IGF2BP3: variants seen among roughly 807,000 people sequenced by gnomAD.
IGF2BP3 encodes the protein insulin like growth factor 2 mRNA binding protein 3, also known as insulin-like growth factor 2 mRNA-binding protein 3.
A neutral mutation model predicts 73.8 loss-of-function variants in IGF2BP3; 9 were observed. The observed-to-expected ratio is 0.12, with a 90% CI of 0.07 to 0.21. IGF2BP3 has a LOEUF of 0.21. IGF2BP3 is among the 10% of genes least tolerant of loss of function. The pLI is 1.00. For synonymous variants in IGF2BP3, 258 were observed against 256.7 expected (o/e 1.01, Z -0.05); for missense variants, 542 against 714.0 (o/e 0.76, Z 2.75).
intron 2 of IGF2BP3, among the ~76,000 whole-genome samples, chr7:23,462,614 G>C (rs185477828): frequency 6.6e-6 from 1 of 152,030 alleles, no homozygotes; most frequent in African/African-American, 2.4e-5. Flanking sequence ...CACCCACCTC[G>C]GCCTCCCAAA....
intron 5 of IGF2BP3, among the ~76,000 whole-genome samples, chr7:23,352,278 ATTTTTTTTTTTTTT>A (rs70966011): frequency 0.089 from 6,653 of 74,382 alleles, 326 homozygotes; most frequent in South Asian, 0.21. Flanking sequence ...TCTCTTTTTC[ATTTTTTTTTTTTTT>A]TTTTTTTTTT....
At chr7:23,465,200 C>T (rs555995694) in intron 2 of IGF2BP3, among the ~76,000 whole-genome samples, 28 of 152,288 alleles carry the variant, frequency 1.8e-4, no homozygotes, top group Non-Finnish European at 3.5e-4. Flanking sequence ...TTTCCAAGTA[C>T]CAACTATTTT....
intron 2 of IGF2BP3, among the ~76,000 whole-genome samples, chr7:23,435,966 A>T (rs1787800381): frequency 6.6e-6 from 1 of 151,942 alleles, no homozygotes; most frequent in South Asian, 2.1e-4. Context: ...CATGTTGGCC[A>T]GGCTGGTCTG....
chr7:23,315,411 A>G (rs1783958071), intron 12 of IGF2BP3, among the ~76,000 whole-genome samples: 1 of 152,100 alleles, frequency 6.6e-6, no homozygotes, highest in African/African-American at 2.4e-5. Context: ...CCTGGCCAAG[A>G]CACTTCTGAT....
rs1264910158 is a variant in IGF2BP3 at position 23,325,142 on chromosome 7, G to A, written c.1204-5888C>T. The stretch of plus-strand genomic sequence containing the variant: ...AGAGGAAGTCCAATTGTCCCTGTTT[G>A]CAGATGACATGATTGTATATCTAGA... On this transcript the variant is annotated intron_variant, in intron 10 of 14. Coordinates refer to ENST00000258729, the MANE Select transcript of IGF2BP3 (RefSeq NM_006547.3). 1.1e-4 allele frequency among the ~76,000 whole-genome samples: 16 copies of A among 152,284 alleles called. No individual in the cohort carries two copies. In the East Asian group the frequency reaches 2.9e-3, roughly 28 times the overall value.
intron 3 of IGF2BP3, among the ~76,000 whole-genome samples, chr7:23,373,557 G>C (rs1245302437): frequency 1.3e-5 from 2 of 152,180 alleles, no homozygotes; most frequent in Non-Finnish European, 2.9e-5. Flanking sequence ...AAAATAATGA[G>C]TGTTGACACA....
At chr7:23,435,435 C>A (rs1787785869) in intron 2 of IGF2BP3, among the ~76,000 whole-genome samples, 1 of 149,700 alleles carries the variant, frequency 6.7e-6, no homozygotes, top group Admixed American at 6.7e-5. Flanking sequence ...AACTCTCCAG[C>A]ACAAACATCT....
chr7:23,409,248 C>G (rs1786941757), intron 3 of IGF2BP3, among the ~76,000 whole-genome samples: 1 of 152,180 alleles, frequency 6.6e-6, no homozygotes. Context: ...GACCCCTGTG[C>G]TACAACATGG....
intron 3 of IGF2BP3, among the ~76,000 whole-genome samples, chr7:23,363,504 C>A (rs545080824): frequency 1.3e-5 from 2 of 152,306 alleles, no homozygotes; most frequent in African/African-American, 4.8e-5. Flanking sequence ...AGCTGGGCCT[C>A]CCCAAGTGCT....
rs558038527 is a variant in IGF2BP3, at chr7:23,412,619, C to T, written c.285+6157G>A. Among the ~76,000 whole-genome samples the T allele has an allele frequency of 4.6e-5, 7 of 152,262 alleles. No individual in the cohort carries two copies. In the South Asian group the frequency reaches 1.2e-3, roughly 27 times the overall value. On this transcript the variant is annotated intron_variant, in intron 3 of 14. Coordinates refer to ENST00000258729, the MANE Select transcript of IGF2BP3 (RefSeq NM_006547.3). ...GGAAATATTGTTTCACCTTCCTCAT[C>T]AGCCCCCAAAATGACAACCTTCCTT...
intron 2 of IGF2BP3, among the ~76,000 whole-genome samples, chr7:23,461,259 T>C (rs1002115262): frequency 6.6e-6 from 1 of 152,154 alleles, no homozygotes; most frequent in Non-Finnish European, 1.5e-5. Context: ...TTTGCTGGTC[T>C]TTCCTTCATC....
At chr7:23,366,136 T>A (rs1467228878) in intron 3 of IGF2BP3, among the ~76,000 whole-genome samples, 1 of 151,882 alleles carries the variant, frequency 6.6e-6, no homozygotes, top group African/African-American at 2.4e-5. Flanking sequence ...TCAACTTCCG[T>A]GTAAATCTTT....
chr7:23,395,429 C>T (rs899478062), intron 3 of IGF2BP3, among the ~76,000 whole-genome samples: 3 of 152,028 alleles, frequency 2.0e-5, no homozygotes, highest in African/African-American at 7.3e-5. Flanking sequence ...AAAACGAAAA[C>T]ATTTGTAAGA....
In IGF2BP3 at chr7:23,449,340, A is replaced by T. The variant is rs1584056869; in HGVS notation, c.236+19142T>A. Among the ~76,000 whole-genome samples the T allele has an allele frequency of 2.6e-5, 4 of 151,496 alleles. No homozygotes were observed. In the South Asian group the frequency reaches 8.4e-4, roughly 32 times the overall value. ...CGACCATCCTGGCTAACACGGTGAA[A>T]CCCCGTCTCTACTAAAAATACAAAA... On this transcript the variant is annotated intron_variant, in intron 2 of 14. Coordinates refer to ENST00000258729, the MANE Select transcript of IGF2BP3 (RefSeq NM_006547.3).
intron 10 of IGF2BP3, among the ~76,000 whole-genome samples, chr7:23,325,467 G>A (rs1208122217): frequency 1.5e-4 from 23 of 152,160 alleles, no homozygotes; most frequent in Admixed American, 1.4e-3. Context: ...TGGGTAGGAA[G>A]AATCAATATC....
Position 23,361,565 on chromosome 7 carries a change from C to A in IGF2BP3, c.370G>T (p.Val124Leu). 1 of 1,613,072 alleles carries A rather than the reference C, an allele frequency of 6.2e-7. No individual in the cohort carries two copies. Among genetic ancestry groups the A allele is most frequent in the Non-Finnish European group, 8.5e-7 (1 of 1,179,712 alleles). ...NTDSETAVVN[V>L]TYSSKDQARQ... is the part of the protein sequence containing the mutation. ...GCTTGGTCCTTACTGGAATAGGTTA[C>A]ATTTACAACTGCAGTTTCCGAGTCA... The change falls in exon 5 of 15, where the codon GTA becomes TTA. Residue 124 changes from valine to leucine, a missense_variant. By Grantham distance (32) the Val-to-Leu change is conservative (BLOSUM62 1). This residue lies in a region of IGF2BP3 where 239 missense variants were observed against 241.9 expected (regional missense o/e 0.99). Coordinates refer to ENST00000258729, the MANE Select transcript of IGF2BP3 (RefSeq NM_006547.3).
chr7:23,380,254 C>T (rs1422409435), intron 3 of IGF2BP3, among the ~76,000 whole-genome samples: 2 of 150,660 alleles, frequency 1.3e-5, no homozygotes, highest in African/African-American at 2.5e-5. Context: ...ACCTCCGCCT[C>T]CCGGGTTCAC....
At chr7:23,315,881 T>C (rs970676464) in intron 12 of IGF2BP3, among the ~76,000 whole-genome samples, 1 of 152,208 alleles carries the variant, frequency 6.6e-6, no homozygotes, top group Admixed American at 6.5e-5. Context: ...GGCTTAAGTG[T>C]TACATTTAAG....
In IGF2BP3 at chr7:23,370,675, G is replaced by T. The variant is rs962801861; in HGVS notation, c.286-8934C>A. Among the ~76,000 whole-genome samples, 164 of 148,332 alleles carry T rather than the reference G, an allele frequency of 1.1e-3. 2 individuals carry two copies. Among genetic ancestry groups the T allele is most frequent in the African/African-American group, 3.7e-3 (144 of 38,658 alleles). The stretch of plus-strand genomic sequence containing the variant: ...AAGGAAGCTAGTTCTAGGTTTTTTG[G>T]TTTTTTTGTTTTTTTTTTTTAAGAC... On this transcript the variant is annotated intron_variant, in intron 3 of 14. Coordinates refer to ENST00000258729, the MANE Select transcript of IGF2BP3 (RefSeq NM_006547.3).
Sources: allele counts gnomAD v4.1 joint callset (sites outside exome capture counted in the v4.1 genomes callset), GRCh38; gene constraint gnomAD v4.1.1; regional missense constraint gnomAD v4.1.1; transcripts MANE v1.5; gene names NCBI Gene and HGNC (gene_info 2026-07-23, HGNC 2026-07-21).